LRPPRC: variants seen among roughly 807,000 people sequenced by gnomAD.
The protein encoded by LRPPRC is leucine rich pentatricopeptide repeat containing, also known as leucine-rich PPR motif-containing protein, mitochondrial.
In LRPPRC, 120 loss-of-function variants were observed where a neutral mutation model predicts 180.3. The ratio of observed to expected loss-of-function variants is 0.67; its 90% CI spans 0.57 to 0.77. The LOEUF (loss-of-function observed/expected upper bound fraction) is 0.77, where lower values mean the gene tolerates loss of function less well. Ranked by LOEUF, LRPPRC falls within the 30% of genes least tolerant of loss-of-function variation. The probability of loss-of-function intolerance (pLI) is 0.00; values close to 1 mark genes in which losing one functional copy is unlikely to be tolerated. For synonymous variants in LRPPRC, 723 were observed against 600.0 expected, an observed-to-expected ratio of 1.21 and a Z score of -3.00; for missense variants, 2,012 against 1,657.2, an observed-to-expected ratio of 1.21 and a Z score of -3.72.
At chr2:43,963,496 C>T (rs1290633123) in intron 12 of LRPPRC, 92 bp downstream of exon 12, 12 of 847,840 alleles carry the variant, frequency 1.4e-5, no homozygotes, top group African/African-American at 3.3e-5. Flanking sequence ...TTTGAGTCCT[C>T]AGTTCAATGA....
intron 28 of LRPPRC, 57 bp downstream of exon 28, chr2:43,918,199 C>CT: frequency 6.3e-7 from 1 of 1,591,776 alleles, no homozygotes; most frequent in Non-Finnish European, 8.6e-7. Flanking sequence ...GTAGGCTAAT[C>CT]TATAACCTAA....
intron 25 of LRPPRC, among the ~76,000 whole-genome samples, chr2:43,933,931 T>G (rs562352723): frequency 2.6e-4 from 40 of 152,264 alleles, no homozygotes; most frequent in Non-Finnish European, 5.4e-4. Flanking sequence ...AGATTTAATA[T>G]GCAAATATCA....
Position 43,947,310 on chromosome 2 carries a change from G to C in LRPPRC, c.2026C>G (p.Gln676Glu). Reference sequence around the variant, plus strand: ...TGCTTTAGGACATCTCTTATAGGTTGATTTTCAGCTTTTAGTGTTTCAAGT... The same window carrying C: ...TGCTTTAGGACATCTCTTATAGGTTCATTTTCAGCTTTTAGTGTTTCAAGT... Reference protein sequence around the residue: ...STLETLKAENQPIRDVLKQLI... With the variant: ...STLETLKAENEPIRDVLKQLI... The change falls in exon 20 of 38, where the codon CAA (glutamine) becomes GAA (glutamate). Residue 676 changes from glutamine (Q) to glutamate (E), a missense_variant. Gln to Glu is a conservative substitution (Grantham distance 29). Coordinates refer to ENST00000260665, the MANE Select transcript of LRPPRC (RefSeq NM_133259.4). 1 of 1,606,634 alleles carries C rather than the reference G, an allele frequency of 6.2e-7. No individual in the cohort carries two copies. Among genetic ancestry groups the C allele is most frequent in the Non-Finnish European group, 8.5e-7 (1 of 1,174,086 alleles).
chr2:43,919,834 G>A (rs752563716), intron 27 of LRPPRC, among the ~76,000 whole-genome samples: 1 of 151,766 alleles, frequency 6.6e-6, no homozygotes, highest in Non-Finnish European at 1.5e-5. Flanking sequence ...AGAAATATCT[G>A]GATTGTGTGG....
At chr2:43,949,543 T>A in intron 16 of LRPPRC, 59 bp downstream of exon 16, 1 of 1,253,816 alleles carries the variant, frequency 8.0e-7, no homozygotes, top group South Asian at 1.2e-5. Context: ...TCCTAACCCA[T>A]CATTACACAG....
chr2:43,962,436 G>A (rs578013806), intron 12 of LRPPRC, among the ~76,000 whole-genome samples: 7 of 152,246 alleles, frequency 4.6e-5, no homozygotes, highest in Admixed American at 1.3e-4. Flanking sequence ...AAAAATCAAG[G>A]TATTACATGA....
intron 29 of LRPPRC, among the ~76,000 whole-genome samples, chr2:43,915,426 T>C (rs1050683691): frequency 6.6e-6 from 1 of 152,130 alleles, no homozygotes; most frequent in Non-Finnish European, 1.5e-5. Context: ...GGCTCACGCC[T>C]GTAATCCCAG....
chr2:43,981,647 G>A (rs1242877509), intron 2 of LRPPRC, among the ~76,000 whole-genome samples: 3 of 150,902 alleles, frequency 2.0e-5, no homozygotes, highest in East Asian at 2.0e-4. Context: ...GCGACAGAGC[G>A]ATACTCCATC....
chr2:43,949,522 T>C (rs1672816292), intron 16 of LRPPRC, 80 bp downstream of exon 16: 1 of 971,484 alleles, frequency 1.0e-6, no homozygotes, highest in Non-Finnish European at 1.7e-6. Context: ...AAGTATTTAC[T>C]GCTGTAATCC....
chr2:43,890,203 A>C (rs932161698), intron 36 of LRPPRC: 16 of 407,492 alleles, frequency 3.9e-5, no homozygotes, highest in African/African-American at 3.1e-4. Context: ...TGAAGTCCTC[A>C]GTTATAAAAT....
chr2:43,973,590 A>G lies in LRPPRC; in HGVS notation c.1369+17T>C. On this transcript the variant is annotated intron_variant, in intron 11 of 37. Transcript: ENST00000260665. Reference sequence around the variant, plus strand: ...GCTCTGGGAACCATTACAAATCGGTAAAAGGCAAAATCTAACCTTGAACAT... The same window carrying G: ...GCTCTGGGAACCATTACAAATCGGTGAAAGGCAAAATCTAACCTTGAACAT... 2 of 1,564,028 alleles carry G rather than the reference A, an allele frequency of 1.3e-6. No homozygotes were observed. The highest frequency in any genetic ancestry group is 1.8e-6 in the Non-Finnish European group (2 of 1,134,206).
chr2:43,977,315 T>C (rs758740352), intron 3 of LRPPRC, 39 bp from the exon 4 acceptor site: 15 of 1,537,184 alleles, frequency 9.8e-6, no homozygotes, highest in Middle Eastern at 3.7e-4. Context: ...AGAAAAGCAT[T>C]GAAAATCCTA....
At chr2:43,933,130 G>C (rs1572937320) in intron 25 of LRPPRC, among the ~76,000 whole-genome samples, 1 of 152,138 alleles carries the variant, frequency 6.6e-6, no homozygotes, top group South Asian at 2.1e-4. Context: ...AAGATAGCAC[G>C]ATAGCATGCC....
chr2:43,992,671 A>G (rs1674834962), intron 1 of LRPPRC, among the ~76,000 whole-genome samples: 2 of 152,230 alleles, frequency 1.3e-5, no homozygotes, highest in Non-Finnish European at 2.9e-5. Context: ...TTGTGCAATC[A>G]ATAAATGGGG....
chr2:43,935,593 G>C (rs1672247107), intron 23 of LRPPRC, among the ~76,000 whole-genome samples: 2 of 152,088 alleles, frequency 1.3e-5, no homozygotes, highest in South Asian at 4.1e-4. Context: ...AAAATAAAAA[G>C]ACACTGTCAT....
In LRPPRC at chr2:43,912,494, G is replaced by A. The variant is rs1259476064; in HGVS notation, c.3213C>T (p.Ser1071=). The change falls in exon 30 of 38, where the codon AGC becomes AGT. Residue 1071 remains serine, a synonymous_variant. Transcript: ENST00000260665. ...QNIVFNAETY[S]NLIKLLMSED... is the part of the protein sequence containing the mutation. The stretch of plus-strand genomic sequence containing the variant: ...CTGACATCAGTAATTTAATGAGATT[G>A]CTGTAGGTTTCAGCATTAAACACAA... 1 of 1,591,254 alleles carries A rather than the reference G, an allele frequency of 6.3e-7. No homozygotes were observed. Among genetic ancestry groups the A allele is most frequent in the Admixed American group, 1.7e-5 (1 of 59,962 alleles).
Position 43,961,404 on chromosome 2 carries a change from T to C in LRPPRC, c.1489-770A>G, listed in dbSNP as rs146144476. ...TCTTTTTATTAAACTATAGCCTCTG[T>C]CAAGTTAGGTGGATAATAGGAACAG... On this transcript the variant is annotated intron_variant, in intron 12 of 37. Transcript: ENST00000260665. Among the ~76,000 whole-genome samples the C allele has an allele frequency of 1.4e-3, 216 of 152,286 alleles. 3 individuals are homozygous for C. In the East Asian group the frequency reaches 0.038, roughly 27 times the overall value.
At chr2:43,926,353 A>G (rs1283672558) in intron 25 of LRPPRC, among the ~76,000 whole-genome samples, 3 of 152,214 alleles carry the variant, frequency 2.0e-5, no homozygotes, top group Non-Finnish European at 4.4e-5. Flanking sequence ...AACGTCAAAT[A>G]AAAAGTGTGT....
At chr2:43,982,142 A>G (rs1448952685) in intron 2 of LRPPRC, 96 bp downstream of exon 2, 1 of 802,460 alleles carries the variant, frequency 1.2e-6, no homozygotes, top group Non-Finnish European at 2.0e-6. Flanking sequence ...ACTTGGCCTC[A>G]AGCGATCTAC....
Sources: allele counts gnomAD v4.1 joint callset (sites outside exome capture counted in the v4.1 genomes callset), GRCh38; gene constraint gnomAD v4.1.1; transcripts MANE v1.5; gene names NCBI Gene and HGNC (gene_info 2026-07-23, HGNC 2026-07-21).